Variants in BRD1 observed in about 807,000 individuals in gnomAD.
BRD1 encodes bromodomain containing 1, also known as bromodomain-containing protein 1.
In BRD1, 24 loss-of-function variants were observed where a neutral mutation model predicts 107.7. The observed-to-expected ratio is 0.22, with a 90% CI of 0.16 to 0.31. The LOEUF (loss-of-function observed/expected upper bound fraction) is 0.31. BRD1 is among the 10% of genes least tolerant of loss of function. The pLI is 1.00. For missense variants in BRD1, 1,279 were observed against 1,638.6 expected, an observed-to-expected ratio of 0.78 and a Z score of 3.79; for synonymous variants, 744 against 686.1, an observed-to-expected ratio of 1.08 and a Z score of -1.32.
chr22:49,802,693 G>A (rs979531803), intron 3 of BRD1, among the ~76,000 whole-genome samples: 3 of 150,766 alleles, frequency 2.0e-5, no homozygotes, highest in Admixed American at 6.6e-5. Flanking sequence ...CCCCAACATC[G>A]CGGGGGCCGA....
intron 8 of BRD1, among the ~76,000 whole-genome samples, chr22:49,780,047 C>T (rs976963519): frequency 4.6e-5 from 7 of 152,116 alleles, no homozygotes; most frequent in African/African-American, 1.7e-4. Context: ...GGTGGGGAGG[C>T]TTTTAGTAGT....
chr22:49,787,400 G>C lies in BRD1; in HGVS notation c.2847C>G (p.Arg949=), dbSNP rs755805404. The C allele has an allele frequency of 6.2e-7, 1 of 1,611,336 alleles. No homozygotes were observed. Among genetic ancestry groups the C allele is most frequent in the Non-Finnish European group, 8.5e-7 (1 of 1,179,076 alleles). The change falls in exon 8 of 13, where the codon CGC becomes CGG. Residue 949 remains arginine, a synonymous_variant. Coordinates refer to ENST00000404760, the MANE Select transcript of BRD1 (RefSeq NM_001304808.3). ...SEVEEESPGK[R]LDAGLTNGFG... ...GCCCGCGGCATTTACCTGCGTCCAG[G>C]CGCTTTCCTGGGGACTCCTCCTCCA...
intron 6 of BRD1, among the ~76,000 whole-genome samples, chr22:49,794,915 AT>A (rs1386971989): frequency 6.6e-6 from 1 of 152,192 alleles, no homozygotes; most frequent in Non-Finnish European, 1.5e-5. Flanking sequence ...TAAAGCACAA[AT>A]TACCTTAAAT....
intron 2 of BRD1, among the ~76,000 whole-genome samples, chr22:49,816,042 T>G (rs2059945321): frequency 6.6e-6 from 1 of 151,490 alleles, no homozygotes; most frequent in Non-Finnish European, 1.5e-5. Flanking sequence ...AGCAGCCAAC[T>G]CATGCACCCA....
At chr22:49,806,404 G>C (rs2059744694) in intron 2 of BRD1, 1 of 152,158 alleles carries the variant, frequency 6.6e-6, no homozygotes, top group Non-Finnish European at 1.5e-5. Context: ...CCAACTACTT[G>C]GGAGGCTGAG....
chr22:49,800,782 T>C (rs919796845), intron 3 of BRD1, among the ~76,000 whole-genome samples: 1 of 151,930 alleles, frequency 6.6e-6, no homozygotes, highest in Non-Finnish European at 1.5e-5. Flanking sequence ...AAATCAACAG[T>C]GGGAGGCTCC....
chr22:49,799,465 C>T (rs910625342), intron 3 of BRD1, among the ~76,000 whole-genome samples: 1 of 152,204 alleles, frequency 6.6e-6, no homozygotes, highest in Non-Finnish European at 1.5e-5. Context: ...AAAGGCGGGG[C>T]CAGGACAGAA....
chr22:49,777,171 G>C lies in BRD1; in HGVS notation c.2994-10C>G. 6.2e-7 allele frequency: 1 copy of C among 1,612,066 alleles called. No individual in the cohort carries two copies. The highest frequency in any genetic ancestry group is 8.5e-7 in the Non-Finnish European group (1 of 1,179,820). The stretch of plus-strand genomic sequence containing the variant: ...TTTGGGCGCATTAAAGCTTCGGGAG[G>C]AAGAGCAGAGGGAGTCAGGCGCCCC... On this transcript the variant is annotated splice_polypyrimidine_tract_variant and intron_variant, in intron 9 of 12. Transcript: ENST00000404760.
chr22:49,780,410 G>A (rs532407672), intron 8 of BRD1, among the ~76,000 whole-genome samples: 53 of 152,316 alleles, frequency 3.5e-4, no homozygotes, highest in South Asian at 8.3e-4. Context: ...GACAGCACCC[G>A]GGAAGACGTG....
rs1348779640 is a variant in BRD1 at position 49,799,133 on chromosome 22, A to T, written c.1525-14T>A. ...ATCATTTTCTCTCTGAGAACAGTGA[A>T]CACTTCCGTCAGTCAAACCCAGAGG... On this transcript the variant is annotated splice_polypyrimidine_tract_variant and intron_variant, in intron 3 of 12. Transcript: ENST00000404760. 1 of 1,602,340 alleles carries T rather than the reference A, an allele frequency of 6.2e-7. No homozygotes were observed. The highest frequency in any genetic ancestry group is 2.2e-5 in the East Asian group (1 of 44,798).
Position 49,777,684 on chromosome 22 carries a change from T to C in BRD1, c.2987A>G (p.Asp996Gly). Residue 996 changes from aspartate (D) to glycine (G), a missense_variant, in exon 9 of 13, where the codon GAC (aspartate) becomes GGC (glycine). Coordinates refer to ENST00000404760, the MANE Select transcript of BRD1 (RefSeq NM_001304808.3). ...GCAGGGCCGCGGTGCCCACCTCGAGTCGCAGAGCGGGCTGTTGCTGGAGGA... is the reference window on the plus strand; with the variant it reads ...GCAGGGCCGCGGTGCCCACCTCGAGCCGCAGAGCGGGCTGTTGCTGGAGGA... ...SISSSNSPLC[D>G]SSFNAPKCGR... 1 of 1,606,244 alleles carries C rather than the reference T, an allele frequency of 6.2e-7. No homozygotes were observed. The highest frequency in any genetic ancestry group is 8.5e-7 in the Non-Finnish European group (1 of 1,177,658).
chr22:49,807,420 A>G (rs1336498589), intron 2 of BRD1, among the ~76,000 whole-genome samples: 2 of 152,242 alleles, frequency 1.3e-5, no homozygotes, highest in Non-Finnish European at 2.9e-5. Context: ...AAGGACACAC[A>G]TATAGACCAT....
rs928541788 is a variant in BRD1 at position 49,792,407 on chromosome 22, C to T, written c.2359+1627G>A. ...GTGGGCTGCACGGAAGCAAAGGCTG[C>T]GGGACCAGGCACCAGCCTGGACTCC... On this transcript the variant is annotated intron_variant, in intron 7 of 12. Transcript: ENST00000404760. The surrounding 1 kb of genome is among the most constrained non-coding windows in gnomAD (Gnocchi z 4.2). Among the ~76,000 whole-genome samples the T allele has an allele frequency of 1.3e-5, 2 of 152,112 alleles. No individual in the cohort carries two copies. The highest frequency in any genetic ancestry group is 2.9e-5 in the Non-Finnish European group (2 of 68,026).
chr22:49,799,129 G>T lies in BRD1; in HGVS notation c.1525-10C>A. On this transcript the variant is annotated splice_polypyrimidine_tract_variant and intron_variant, in intron 3 of 12. Transcript: ENST00000404760. ...CCTCATCATTTTCTCTCTGAGAACA[G>T]TGAACACTTCCGTCAGTCAAACCCA... 1 of 1,603,578 alleles carries T rather than the reference G, an allele frequency of 6.2e-7. No individual in the cohort carries two copies.
chr22:49,786,456 T>G (rs2059327011), intron 8 of BRD1, among the ~76,000 whole-genome samples: 1 of 151,818 alleles, frequency 6.6e-6, no homozygotes, highest in Non-Finnish European at 1.5e-5. Flanking sequence ...TTCAACAGAG[T>G]TCAGTTACAA....
At chr22:49,809,547 A>AT (rs1474154459) in intron 2 of BRD1, among the ~76,000 whole-genome samples, 71 of 149,336 alleles carry the variant, frequency 4.8e-4, no homozygotes, top group Non-Finnish European at 8.3e-4. Flanking sequence ...TCTCCAAAAA[A>AT]AATATATATA....
chr22:49,787,911 A>AT, intron 7 of BRD1, 24 bp from the exon 8 acceptor site: 1 of 1,475,816 alleles, frequency 6.8e-7, no homozygotes, highest in Non-Finnish European at 9.0e-7. Flanking sequence ...AAATAAAGTG[A>AT]TTTTTGAAAA....
rs753291085 is a variant in BRD1 at position 49,804,375 on chromosome 22, C to T, written c.1368-15G>A. Reference sequence around the variant, plus strand: ...TCCTATTTAACCTAAAACACAAACACTCAGTGTATCTTTGAAGCAGTACAT... The same window carrying T: ...TCCTATTTAACCTAAAACACAAACATTCAGTGTATCTTTGAAGCAGTACAT... On this transcript the variant is annotated splice_polypyrimidine_tract_variant and intron_variant, in intron 2 of 12. Transcript: ENST00000404760. The T allele has an allele frequency of 2.5e-6, 4 of 1,591,602 alleles. No individual in the cohort carries two copies. In the African/African-American group the frequency reaches 5.4e-5, roughly 21 times the overall value.
rs1601589108 is a variant in BRD1, at chr22:49,774,170, C to A, written c.*63G>T. ...AAATCAGAATAAGTTAAGTTTTGAA[C>A]AATATACAAACATGTACAGCTTATC... On this transcript the variant is annotated 3_prime_UTR_variant, in exon 13 of 13. Transcript: ENST00000404760. The A allele has an allele frequency of 1.3e-6, 2 of 1,485,282 alleles. No homozygotes were observed. Among genetic ancestry groups the A allele is most frequent in the East Asian group, 4.8e-5 (2 of 41,256 alleles). 92.0% of individuals were successfully genotyped at this position (1,485,282 alleles called of 1,614,324 possible).
Sources: allele counts gnomAD v4.1 joint callset (sites outside exome capture counted in the v4.1 genomes callset), GRCh38; gene constraint gnomAD v4.1.1; non-coding constraint Gnocchi (gnomAD v3.1); transcripts MANE v1.5; gene names NCBI Gene and HGNC (gene_info 2026-07-23, HGNC 2026-07-21).